ARHGAP44: variants seen among roughly 807,000 people sequenced by gnomAD.
The protein encoded by ARHGAP44 is Rho GTPase activating protein 44, also known as rho GTPase-activating protein 44.
Under a neutral mutation model 106.8 loss-of-function variants are expected in ARHGAP44, and 43 were observed. The ratio of observed to expected loss-of-function variants is 0.40; its 90% CI spans 0.32 to 0.52. The LOEUF (loss-of-function observed/expected upper bound fraction) is 0.52. ARHGAP44 is among the 20% of genes least tolerant of loss of function. ARHGAP44 has a pLI of 0.48. For synonymous variants in ARHGAP44, 439 were observed against 410.3 expected (o/e 1.07, Z -0.85); for missense variants, 866 against 1,050.5 (o/e 0.82, Z 2.43).
chr17:12,861,492 T>C (rs1243221032), intron 1 of ARHGAP44, among the ~76,000 whole-genome samples: 1 of 151,766 alleles, frequency 6.6e-6, no homozygotes, highest in Non-Finnish European at 1.5e-5. Flanking sequence ...ACTTCTCAGG[T>C]TTCTCTGGAG....
rs369303598 is a variant in ARHGAP44, at chr17:12,919,107, A to T, written c.388-648A>T. Among the ~76,000 whole-genome samples, 3 of 152,338 alleles carry T rather than the reference A, an allele frequency of 2.0e-5. No homozygotes were observed. In the East Asian group the frequency reaches 5.8e-4, roughly 29 times the overall value. ...TTAATGATACTGTATTGTAGACTTG[A>T]AATTTGCTAAGAGGATAGATCTTCA... On this transcript the variant is annotated intron_variant, in intron 5 of 20. Coordinates refer to ENST00000379672, the MANE Select transcript of ARHGAP44 (RefSeq NM_014859.6).
At chr17:12,960,297 C>T (rs1029083817) in intron 16 of ARHGAP44, among the ~76,000 whole-genome samples, 2 of 152,086 alleles carry the variant, frequency 1.3e-5, no homozygotes, top group Non-Finnish European at 2.9e-5. Flanking sequence ...CAGCTGGGCG[C>T]GGTGGCTCAC....
At chr17:12,885,324 G>GGTGTGT (rs146415425) in intron 1 of ARHGAP44, among the ~76,000 whole-genome samples, 27 of 148,808 alleles carry the variant, frequency 1.8e-4, no homozygotes, top group Non-Finnish European at 2.2e-4. Context: ...TCACAGAGTA[G>GGTGTGT]GTGTGTGTGT....
chr17:12,931,021 T>C (rs2038382756), intron 7 of ARHGAP44, among the ~76,000 whole-genome samples: 1 of 152,198 alleles, frequency 6.6e-6, no homozygotes, highest in African/African-American at 2.4e-5. Flanking sequence ...TAATCATACA[T>C]AGTCATAGCA....
intron 16 of ARHGAP44, among the ~76,000 whole-genome samples, chr17:12,961,004 G>A (rs548764833): frequency 1.4e-4 from 22 of 152,288 alleles, no homozygotes; most frequent in South Asian, 4.1e-4. Context: ...GTAAGCTGAA[G>A]GGATGCTCCT....
At chr17:12,851,755 G>T (rs1385744983) in intron 1 of ARHGAP44, among the ~76,000 whole-genome samples, 3 of 152,032 alleles carry the variant, frequency 2.0e-5, no homozygotes, top group African/African-American at 2.4e-5. Context: ...TTCTAAATAG[G>T]AGAAGGAAGA....
chr17:12,886,363 T>C (rs898781697), intron 1 of ARHGAP44, among the ~76,000 whole-genome samples: 3 of 152,202 alleles, frequency 2.0e-5, no homozygotes, highest in African/African-American at 7.2e-5. Flanking sequence ...CTATAATAAA[T>C]CTTATTAAGA....
At chr17:12,937,373 A>G (rs7223559) in intron 7 of ARHGAP44, among the ~76,000 whole-genome samples, 110,346 of 152,020 alleles carry the variant, frequency 0.73, 40,224 homozygotes, top group Admixed American at 0.77. Flanking sequence ...TGAGAACCTG[A>G]TCTTAGAGCT....
At chr17:12,795,099 CT>C (rs1255443591) in intron 1 of ARHGAP44, among the ~76,000 whole-genome samples, 1 of 152,210 alleles carries the variant, frequency 6.6e-6, no homozygotes, top group Non-Finnish European at 1.5e-5. Context: ...AACACAGGCC[CT>C]GCCATGGGCT....
At chr17:12,837,539 A>C (rs2035270823) in intron 1 of ARHGAP44, among the ~76,000 whole-genome samples, 1 of 152,146 alleles carries the variant, frequency 6.6e-6, no homozygotes, top group Non-Finnish European at 1.5e-5. Context: ...GAAAGGAAGC[A>C]GTGGTCACTA....
In ARHGAP44 at chr17:12,856,464, A is replaced by G. The variant is rs571939316; in HGVS notation, c.54-38476A>G. ...TAATTTTCTACTATTTTTTAAAAGC[A>G]GTATGACTATATGTAGGAAAATATC... On this transcript the variant is annotated intron_variant, in intron 1 of 20. Transcript: ENST00000379672. Among the ~76,000 whole-genome samples the G allele has an allele frequency of 2.0e-5, 3 of 152,364 alleles. No individual in the cohort carries two copies. In the East Asian group the frequency reaches 5.8e-4, roughly 29 times the overall value.
intron 3 of ARHGAP44, among the ~76,000 whole-genome samples, chr17:12,906,947 A>G (rs1443229205): frequency 6.6e-6 from 1 of 151,876 alleles, no homozygotes; most frequent in Non-Finnish European, 1.5e-5. Context: ...ATCAAAAAAC[A>G]AAACAAAACA....
intron 1 of ARHGAP44, among the ~76,000 whole-genome samples, chr17:12,870,420 A>G (rs1263858139): frequency 5.3e-5 from 8 of 152,148 alleles, no homozygotes. Flanking sequence ...CCCTCAAGAA[A>G]GGTTGTATCA....
At chr17:12,864,671 A>G (rs532328248) in intron 1 of ARHGAP44, among the ~76,000 whole-genome samples, 2 of 152,336 alleles carry the variant, frequency 1.3e-5, no homozygotes, top group African/African-American at 4.8e-5. Flanking sequence ...AGTTATGAGC[A>G]CAAACTCTAA....
At chr17:12,963,165 C>T (rs1047097221) in intron 16 of ARHGAP44, among the ~76,000 whole-genome samples, 16 of 151,710 alleles carry the variant, frequency 1.1e-4, no homozygotes, top group African/African-American at 3.6e-4. Context: ...ACACCAAGAG[C>T]TTTGATAAAG....
At chr17:12,897,153 A>G (rs1039070271) in intron 3 of ARHGAP44, among the ~76,000 whole-genome samples, 1 of 152,230 alleles carries the variant, frequency 6.6e-6, no homozygotes, top group Non-Finnish European at 1.5e-5. Context: ...ACCAAAGATT[A>G]AAAGATATTC....
At chr17:12,936,443 A>G (rs2038551763) in intron 7 of ARHGAP44, among the ~76,000 whole-genome samples, 1 of 152,224 alleles carries the variant, frequency 6.6e-6, no homozygotes, top group Non-Finnish European at 1.5e-5. Flanking sequence ...CTGGAATCCT[A>G]CAGTATGTAG....
chr17:12,932,249 T>C (rs2038423530), intron 7 of ARHGAP44, among the ~76,000 whole-genome samples: 3 of 152,234 alleles, frequency 2.0e-5, no homozygotes, highest in African/African-American at 4.8e-5. Flanking sequence ...CACTATTGTG[T>C]TCTTAATTTC....
At chr17:12,854,436 T>C (rs1332925860) in intron 1 of ARHGAP44, among the ~76,000 whole-genome samples, 1 of 152,194 alleles carries the variant, frequency 6.6e-6, no homozygotes, top group Non-Finnish European at 1.5e-5. Flanking sequence ...GAAAGATTAA[T>C]GTGTAAGATG....
Sources: gnomAD v4.1 joint callset for allele counts (sites outside exome capture counted in the v4.1 genomes callset) on GRCh38, gnomAD v4.1.1 for gene constraint, MANE v1.5 for transcripts, NCBI Gene and HGNC (gene_info 2026-07-23, HGNC 2026-07-21) for gene names.